HSD17B12: variants seen among roughly 807,000 people sequenced by gnomAD.
HSD17B12 encodes very-long-chain 3-oxoacyl-CoA reductase.
Under a neutral mutation model 39.3 loss-of-function variants are expected in HSD17B12, and 32 were observed. The ratio of observed to expected loss-of-function variants is 0.81; its 90% CI spans 0.61 to 1.09. The LOEUF is 1.09. Ranked by LOEUF, HSD17B12 falls within the 50% of genes least tolerant of loss-of-function variation. HSD17B12 has a pLI of 0.00. For synonymous variants in HSD17B12, 150 were observed against 146.7 expected, an observed-to-expected ratio of 1.02 and a Z score of -0.16; for missense variants, 342 against 382.9, an observed-to-expected ratio of 0.89 and a Z score of 0.89.
At chr11:43,734,526 C>T (rs1272849420) in intron 1 of HSD17B12, 1 of 607,764 alleles carries the variant, frequency 1.6e-6, no homozygotes, top group Non-Finnish European at 2.9e-6. Context: ...TATCACCTAC[C>T]TGCCAGCAGG....
the HSD17B12 span, among the ~76,000 whole-genome samples, chr11:43,646,791 T>C: frequency 1.3e-5 from 2 of 152,240 alleles, no homozygotes; most frequent in Non-Finnish European, 2.9e-5. Flanking sequence ...TTTGGTACTC[T>C]GTTTCCCATC....
At chr11:43,787,844 A>G (rs1195224535) in intron 3 of HSD17B12, among the ~76,000 whole-genome samples, 1 of 152,130 alleles carries the variant, frequency 6.6e-6, no homozygotes, top group African/African-American at 2.4e-5. Context: ...TTTTTAAAGA[A>G]AAGAAATAAA....
At chr11:43,657,143 T>A in the HSD17B12 span, among the ~76,000 whole-genome samples, 1 of 152,248 alleles carries the variant, frequency 6.6e-6, no homozygotes, top group Non-Finnish European at 1.5e-5. Context: ...TTGATCCCTT[T>A]ACCATTATGT....
Position 43,713,582 on chromosome 11 carries a change from T to G in HSD17B12, c.160+32595T>G, listed in dbSNP as rs185215811. ...TTTGCTATTGTGAATAGTGCTGCAG[T>G]AAACATACGTGTGCATGTGTCTTTA... is the stretch of plus-strand genomic sequence containing the variant. On this transcript the variant is annotated intron_variant, in intron 1 of 10. Transcript: ENST00000278353. Among the ~76,000 whole-genome samples, 1,232 of 152,280 alleles carry G rather than the reference T, an allele frequency of 8.1e-3. 19 individuals are homozygous for G. Among genetic ancestry groups the G allele is most frequent in the East Asian group, 0.049 (254 of 5,188 alleles).
rs114660206 is a variant in HSD17B12 at position 43,810,022 on chromosome 11, T to C, written c.392-5415T>C. On this transcript the variant is annotated intron_variant, in intron 4 of 10. Transcript: ENST00000278353. ...AGCCCGGCCATTAGGCAACATATTT[T>C]TAAACCACCTTAATTTCCTATATCT... 6.6e-3 allele frequency among the ~76,000 whole-genome samples: 1,006 copies of C among 152,238 alleles called. 13 individuals carry two copies. Among genetic ancestry groups the C allele is most frequent in the African/African-American group, 0.023 (963 of 41,548 alleles).
chr11:43,831,297 A>G lies in HSD17B12; in HGVS notation c.536+287A>G, dbSNP rs904523627. On this transcript the variant is annotated intron_variant, in intron 7 of 10. Transcript: ENST00000278353. The surrounding 1 kb of genome is among the most constrained non-coding windows in gnomAD (Gnocchi z 4.1). Reference sequence around the variant, plus strand: ...ACCATCACTAACTCAATTGCCTACTATTCTGAGGGGGCGGATAGAGTTCCT... The same window carrying G: ...ACCATCACTAACTCAATTGCCTACTGTTCTGAGGGGGCGGATAGAGTTCCT... 3 of 225,616 alleles carry G rather than the reference A, an allele frequency of 1.3e-5. No homozygotes were observed. The highest frequency in any genetic ancestry group is 6.8e-5 in the African/African-American group (3 of 44,188). 14.0% of individuals were successfully genotyped at this position (225,616 alleles called of 1,614,324 possible). A position where few individuals can be genotyped will look rare whatever the true frequency, so the allele number is the denominator to read the frequency against.
Position 43,831,155 on chromosome 11 carries a change from C to A in HSD17B12, c.536+145C>A. 3.2e-6 allele frequency: 2 copies of A among 623,876 alleles called. No homozygotes were observed. Among genetic ancestry groups the A allele is most frequent in the Non-Finnish European group, 5.4e-6 (2 of 369,184 alleles). 38.6% of individuals were successfully genotyped at this position (623,876 alleles called of 1,614,324 possible). On this transcript the variant is annotated intron_variant, in intron 7 of 10. Coordinates refer to ENST00000278353, the MANE Select transcript of HSD17B12 (RefSeq NM_016142.3). The surrounding 1 kb of genome is among the most constrained non-coding windows in gnomAD (Gnocchi z 4.1). ...CCACAGAGTGATGTACCAGGCGAGTCACAGTAGAGCATGAGTCATCGGTGG... is the reference window on the plus strand; with the variant it reads ...CCACAGAGTGATGTACCAGGCGAGTAACAGTAGAGCATGAGTCATCGGTGG...
intron 4 of HSD17B12, among the ~76,000 whole-genome samples, chr11:43,810,279 G>A (rs566764959): frequency 2.1e-3 from 320 of 151,056 alleles, no homozygotes; most frequent in Non-Finnish European, 3.5e-3. Flanking sequence ...AGCAGCAAAC[G>A]AACTTAGAAG....
At chr11:43,735,520 T>C (rs563504912) in intron 1 of HSD17B12, among the ~76,000 whole-genome samples, 1 of 152,254 alleles carries the variant, frequency 6.6e-6, no homozygotes, top group Non-Finnish European at 1.5e-5. Context: ...TTTTTTCTTA[T>C]GCCTGTTGGC....
chr11:43,744,426 C>T (rs779659718), intron 1 of HSD17B12, among the ~76,000 whole-genome samples: 18 of 151,920 alleles, frequency 1.2e-4, no homozygotes, highest in Non-Finnish European at 2.5e-4. Flanking sequence ...ATGATACTTG[C>T]GTTAGAAGAC....
chr11:43,802,106 C>T (rs1034014911), intron 4 of HSD17B12, among the ~76,000 whole-genome samples: 2 of 151,978 alleles, frequency 1.3e-5, no homozygotes, highest in Non-Finnish European at 1.5e-5. Flanking sequence ...CTGCGTCAGC[C>T]TCCTGAGTAG....
chr11:43,808,960 T>A (rs575093508), intron 4 of HSD17B12, among the ~76,000 whole-genome samples: 5 of 152,210 alleles, frequency 3.3e-5, no homozygotes, highest in Non-Finnish European at 4.4e-5. Flanking sequence ...CTCTATAGGC[T>A]GTAAGAGTGG....
intron 1 of HSD17B12, among the ~76,000 whole-genome samples, chr11:43,697,344 C>T (rs1949921896): frequency 6.6e-6 from 1 of 151,978 alleles, no homozygotes; most frequent in African/African-American, 2.4e-5. Context: ...ACATTTAATC[C>T]AAGATGTGGA....
At chr11:43,732,540 G>A (rs1295423511) in intron 1 of HSD17B12, among the ~76,000 whole-genome samples, 7 of 151,818 alleles carry the variant, frequency 4.6e-5, no homozygotes. Flanking sequence ...ATAACTCACT[G>A]CTGCCTCTTA....
At chr11:43,667,394 C>T in the HSD17B12 span, among the ~76,000 whole-genome samples, 7 of 152,138 alleles carry the variant, frequency 4.6e-5, no homozygotes, top group Middle Eastern at 3.2e-3. Context: ...TCAAGTGATC[C>T]GCCCGCCTCA....
At chr11:43,601,885 T>C in the HSD17B12 span, among the ~76,000 whole-genome samples, 3 of 152,224 alleles carry the variant, frequency 2.0e-5, no homozygotes, top group African/African-American at 4.8e-5. Context: ...GCTTGACTTA[T>C]CACCAGAGCT....
intron 1 of HSD17B12, among the ~76,000 whole-genome samples, chr11:43,740,574 C>T (rs1950355327): frequency 6.6e-6 from 1 of 152,202 alleles, no homozygotes; most frequent in Non-Finnish European, 1.5e-5. Flanking sequence ...TCCTATGATA[C>T]TGTTCCATTA....
chr11:43,640,250 G>T, the HSD17B12 span, among the ~76,000 whole-genome samples: 1 of 152,108 alleles, frequency 6.6e-6, no homozygotes, highest in Non-Finnish European at 1.5e-5. Flanking sequence ...TCTAAAGTTT[G>T]AAGTAGTAGA....
intron 9 of HSD17B12, among the ~76,000 whole-genome samples, chr11:43,843,932 C>T (rs568369747): frequency 3.3e-5 from 5 of 152,290 alleles, no homozygotes; most frequent in East Asian, 1.9e-4. Context: ...TTGTGGTAAA[C>T]GGGAGACCCA....
Sources: allele counts gnomAD v4.1 joint callset (sites outside exome capture counted in the v4.1 genomes callset), GRCh38; gene constraint gnomAD v4.1.1; non-coding constraint Gnocchi (gnomAD v3.1); transcripts MANE v1.5; gene names NCBI Gene and HGNC (gene_info 2026-07-23, HGNC 2026-07-21).